Variants in WWTR1 observed in about 807,000 individuals in gnomAD.
WWTR1 encodes the protein WW domain-containing transcription regulator protein 1.
In WWTR1, 13 loss-of-function variants were observed where a neutral mutation model predicts 40.1. The observed-to-expected ratio is 0.32, with a 90% CI of 0.21 to 0.52. WWTR1 has a LOEUF of 0.52. Ranked by LOEUF, WWTR1 falls within the 20% of genes least tolerant of loss-of-function variation. The probability of loss-of-function intolerance (pLI) is 0.97; values close to 1 mark genes in which losing one functional copy is unlikely to be tolerated. For synonymous variants in WWTR1, 230 were observed against 210.1 expected (o/e 1.09, Z -0.82); for missense variants, 436 against 523.1 (o/e 0.83, Z 1.63).
At chr3:149,680,266 G>A (rs149728688) in intron 1 of WWTR1, among the ~76,000 whole-genome samples, 2,103 of 152,230 alleles carry the variant, frequency 0.014, 32 homozygotes, top group East Asian at 0.062. Flanking sequence ...ATCTGGGGCC[G>A]GGCACAGTGG....
intron 1 of WWTR1, among the ~76,000 whole-genome samples, chr3:149,693,915 A>G (rs1317662562): frequency 6.6e-6 from 1 of 152,222 alleles, no homozygotes; most frequent in Non-Finnish European, 1.5e-5. Flanking sequence ...CTGAAACTAT[A>G]AAACAACTAA....
rs1481000636 is a variant in WWTR1 at position 149,656,789 on chromosome 3, T to TCACA, written c.431+86_431+87insTGTG. 1.1e-3 allele frequency: 884 copies of TCACA among 792,540 alleles called. 2 individuals are homozygous for TCACA. The highest frequency in any genetic ancestry group is 3.1e-3 in the Middle Eastern group (7 of 2,284). 49.1% of individuals were successfully genotyped at this position (792,540 alleles called of 1,614,324 possible). ...TTCTCTCTCTCTCTCTCTCTCTCTC[T>TCACA]CTCACACACACACACACACACACAC... On this transcript the variant is annotated intron_variant, in intron 2 of 6. Transcript: ENST00000360632.
chr3:149,701,284 G>A (rs1715163360), intron 1 of WWTR1, among the ~76,000 whole-genome samples: 1 of 152,178 alleles, frequency 6.6e-6, no homozygotes, highest in Admixed American at 6.5e-5. Context: ...CAAACTGCCT[G>A]GATCTTTGTG....
intron 2 of WWTR1, among the ~76,000 whole-genome samples, chr3:149,585,033 C>A (rs1738346752): frequency 1.3e-5 from 2 of 151,792 alleles, no homozygotes; most frequent in South Asian, 4.2e-4. Flanking sequence ...CAATAAACAC[C>A]TTATAGTACA....
At chr3:149,664,025 GC>G (rs746853332) in intron 2 of WWTR1, among the ~76,000 whole-genome samples, 16 of 152,268 alleles carry the variant, frequency 1.1e-4, no homozygotes, top group Non-Finnish European at 2.2e-4. Context: ...TGCCATTTTT[GC>G]CTCAGGAAAG....
At chr3:149,579,743 TA>T (rs1738056220) in intron 2 of WWTR1, among the ~76,000 whole-genome samples, 1 of 152,352 alleles carries the variant, frequency 6.6e-6, no homozygotes, top group African/African-American at 2.4e-5. Context: ...ATCAGATTTT[TA>T]AAACTTTTTT....
chr3:149,630,139 C>G (rs1711510096), intron 2 of WWTR1, among the ~76,000 whole-genome samples: 2 of 152,266 alleles, frequency 1.3e-5, no homozygotes, highest in South Asian at 4.1e-4. Context: ...AGCCACCACA[C>G]CGGGCTAACT....
At chr3:149,591,552 T>C (rs868181999) in intron 2 of WWTR1, among the ~76,000 whole-genome samples, 3 of 152,278 alleles carry the variant, frequency 2.0e-5, no homozygotes, top group Admixed American at 1.3e-4. Flanking sequence ...ATTACTTAAC[T>C]AAAATTCAAG....
intron 2 of WWTR1, among the ~76,000 whole-genome samples, chr3:149,586,614 A>C (rs1432670429): frequency 1.3e-5 from 2 of 152,004 alleles, no homozygotes; most frequent in Non-Finnish European, 2.9e-5. Flanking sequence ...ATCCCTTGGA[A>C]TTTTCTGGGT....
At chr3:149,604,626 T>C (rs1369590693) in intron 2 of WWTR1, among the ~76,000 whole-genome samples, 1 of 152,124 alleles carries the variant, frequency 6.6e-6, no homozygotes, top group Non-Finnish European at 1.5e-5. Context: ...GCCCCATTCC[T>C]CCCAGCCCAC....
intron 2 of WWTR1, among the ~76,000 whole-genome samples, chr3:149,663,845 G>A (rs1265101822): frequency 6.6e-6 from 1 of 152,162 alleles, no homozygotes; most frequent in Non-Finnish European, 1.5e-5. Flanking sequence ...CATTCACTAC[G>A]ATTTCAGCTA....
chr3:149,718,403 C>T (rs1338140152), intron 4 of WWTR1, among the ~76,000 whole-genome samples: 1 of 152,240 alleles, frequency 6.6e-6, no homozygotes, highest in African/African-American at 2.4e-5. Context: ...GGCTCAACAG[C>T]TCACAGGGTC....
intron 2 of WWTR1, among the ~76,000 whole-genome samples, chr3:149,609,772 G>A (rs1389039297): frequency 1.3e-5 from 2 of 152,218 alleles, no homozygotes; most frequent in Admixed American, 6.5e-5. Context: ...CCACCAACTT[G>A]CAGTCACTCA....
At chr3:149,667,185 T>C (rs545399007) in intron 2 of WWTR1, among the ~76,000 whole-genome samples, 2 of 152,332 alleles carry the variant, frequency 1.3e-5, no homozygotes, top group South Asian at 2.1e-4. Context: ...TTAAGAGTTG[T>C]ATTCCTAAAA....
intron 2 of WWTR1, among the ~76,000 whole-genome samples, chr3:149,609,153 A>G (rs746197172): frequency 1.1e-4 from 16 of 152,202 alleles, no homozygotes; most frequent in Non-Finnish European, 1.5e-5. Flanking sequence ...TTCATCATGT[A>G]CCAGATGGGC....
intron 6 of WWTR1, among the ~76,000 whole-genome samples, chr3:149,521,552 T>C (rs948032174): frequency 1.3e-5 from 2 of 152,220 alleles, no homozygotes; most frequent in Non-Finnish European, 2.9e-5. Context: ...ACAGTGCATA[T>C]GAGCATGTTA....
intron 2 of WWTR1, among the ~76,000 whole-genome samples, chr3:149,654,127 T>TA (rs1311424177): frequency 8.0e-4 from 100 of 125,718 alleles, no homozygotes; most frequent in African/African-American, 2.6e-3. Flanking sequence ...AATAAAAAAA[T>TA]TAAAAAAAAA....
At chr3:149,681,562 T>G (rs1175619472) in intron 1 of WWTR1, among the ~76,000 whole-genome samples, 1 of 152,202 alleles carries the variant, frequency 6.6e-6, no homozygotes, top group East Asian at 1.9e-4. Flanking sequence ...GGGAGTTCTT[T>G]ATTTCAGAAA....
At chr3:149,553,880 G>A (rs1364479580) in intron 3 of WWTR1, among the ~76,000 whole-genome samples, 1 of 152,038 alleles carries the variant, frequency 6.6e-6, no homozygotes, top group African/African-American at 2.4e-5. Flanking sequence ...GTCTACAGAG[G>A]TAGGAAGAAA....
Sources: allele counts gnomAD v4.1 joint callset (sites outside exome capture counted in the v4.1 genomes callset), GRCh38; gene constraint gnomAD v4.1.1; transcripts MANE v1.5; gene names NCBI Gene and HGNC (gene_info 2026-07-23, HGNC 2026-07-21).